The following ZCWPW2 variants were observed in gnomAD, a reference collection of about 807,000 sequenced individuals.
ZCWPW2 encodes the protein zinc finger CW-type and PWWP domain containing 2.
Under a neutral mutation model 46.6 loss-of-function variants are expected in ZCWPW2, and 45 were observed. The ratio of observed to expected loss-of-function variants is 0.96; its 90% CI spans 0.76 to 1.24. ZCWPW2 has a LOEUF of 1.24. Ranked by LOEUF, ZCWPW2 falls within the 50% of genes most tolerant of loss-of-function variation. The pLI is 0.00. For missense variants in ZCWPW2, 429 were observed against 403.9 expected, an observed-to-expected ratio of 1.06 and a Z score of -0.53; for synonymous variants, 152 against 137.1, an observed-to-expected ratio of 1.11 and a Z score of -0.76.
At chr3:28,397,704 T>C (rs1695761299) in intron 2 of ZCWPW2, among the ~76,000 whole-genome samples, 1 of 152,180 alleles carries the variant, frequency 6.6e-6, no homozygotes, top group Admixed American at 6.5e-5. Flanking sequence ...AAATAACATG[T>C]ATGTAATACA....
intron 1 of ZCWPW2, among the ~76,000 whole-genome samples, chr3:28,383,904 G>T (rs943169713): frequency 1.3e-5 from 2 of 152,016 alleles, no homozygotes; most frequent in African/African-American, 4.8e-5. Flanking sequence ...AAATTGGATG[G>T]TATGGGTACC....
At chr3:28,511,071 G>C (rs73823985) in intron 6 of ZCWPW2, 6,029 of 455,708 alleles carry the variant, frequency 0.013, 233 homozygotes, top group African/African-American at 0.094. Context: ...AAAGACCCTG[G>C]GCATAATCAA....
intron 1 of ZCWPW2, among the ~76,000 whole-genome samples, chr3:28,390,089 T>G (rs1695426210): frequency 2.6e-5 from 4 of 152,164 alleles, no homozygotes; most frequent in African/African-American, 9.7e-5. Context: ...CATCCTCCAT[T>G]TCCCAGTTTA....
At chr3:28,503,305 C>T (rs1346678222) in intron 6 of ZCWPW2, among the ~76,000 whole-genome samples, 2 of 152,020 alleles carry the variant, frequency 1.3e-5, no homozygotes, top group Non-Finnish European at 2.9e-5. Context: ...GTTATTTGGA[C>T]CTAAGGTTGT....
intron 4 of ZCWPW2, among the ~76,000 whole-genome samples, chr3:28,472,422 AC>A (rs1432607248): frequency 6.6e-6 from 1 of 152,326 alleles, no homozygotes; most frequent in Admixed American, 6.5e-5. Context: ...ATAAATCCAT[AC>A]ATCTACAATG....
chr3:28,519,933 C>G (rs533059234), intron 8 of ZCWPW2, among the ~76,000 whole-genome samples: 3 of 150,610 alleles, frequency 2.0e-5, no homozygotes, highest in African/African-American at 7.3e-5. Flanking sequence ...TTATAGTAGG[C>G]TTTTATTTCT....
chr3:28,390,517 C>T lies in ZCWPW2; in HGVS notation c.-114C>T. 1.0e-6 allele frequency: 1 copy of T among 985,346 alleles called. No individual in the cohort carries two copies. The highest frequency in any genetic ancestry group is 1.2e-6 in the Non-Finnish European group (1 of 829,916). The allele number at this position is 985,346 out of a possible 1,614,324, so 61.0% of individuals were successfully genotyped here. On this transcript the variant is annotated 5_prime_UTR_variant, in exon 2 of 10. Transcript: ENST00000383768. Reference sequence around the variant, plus strand: ...CTTCAGATTCATCCCAGTAGAACGCCTGCCTCTTTAGTGACTACAGACCTC... The same window carrying T: ...CTTCAGATTCATCCCAGTAGAACGCTTGCCTCTTTAGTGACTACAGACCTC...
intron 8 of ZCWPW2, among the ~76,000 whole-genome samples, chr3:28,520,660 A>C (rs1386917721): frequency 6.6e-6 from 1 of 152,166 alleles, no homozygotes; most frequent in Non-Finnish European, 1.5e-5. Flanking sequence ...ATTTGCTGAC[A>C]CTTTTTCTAT....
intron 1 of ZCWPW2, among the ~76,000 whole-genome samples, chr3:28,366,742 G>C (rs1235640823): frequency 6.6e-6 from 1 of 152,136 alleles, no homozygotes; most frequent in Non-Finnish European, 1.5e-5. Flanking sequence ...TTGTACCTCT[G>C]GTAGAATTCG....
At chr3:28,507,205 T>C (rs931099668) in intron 6 of ZCWPW2, among the ~76,000 whole-genome samples, 2 of 152,190 alleles carry the variant, frequency 1.3e-5, no homozygotes, top group South Asian at 2.1e-4. Flanking sequence ...TACTGACTTG[T>C]TCATTTCAGT....
chr3:28,478,738 C>A, intron 4 of ZCWPW2, 76 bp from the exon 5 acceptor site: 1 of 647,172 alleles, frequency 1.5e-6, no homozygotes, highest in Non-Finnish European at 2.4e-6. Flanking sequence ...GATTTTGTTC[C>A]AGCTTAATAA....
At chr3:28,427,219 G>A (rs1235142605) in intron 3 of ZCWPW2, among the ~76,000 whole-genome samples, 2 of 152,126 alleles carry the variant, frequency 1.3e-5, no homozygotes, top group African/African-American at 4.8e-5. Context: ...CGAGTAAAAG[G>A]AAAAATAGAG....
At chr3:28,512,103 G>T (rs1434439205) in intron 6 of ZCWPW2, among the ~76,000 whole-genome samples, 4 of 151,742 alleles carry the variant, frequency 2.6e-5, no homozygotes, top group Admixed American at 2.6e-4. Context: ...TTGATATGGT[G>T]TCTATTACAG....
At chr3:28,432,140 G>T (rs779419021) in intron 3 of ZCWPW2, among the ~76,000 whole-genome samples, 1 of 152,142 alleles carries the variant, frequency 6.6e-6, no homozygotes, top group African/African-American at 2.4e-5. Flanking sequence ...TGAGATTTGG[G>T]TGGGGACACA....
chr3:28,356,696 C>G (rs1195981466), intron 1 of ZCWPW2, among the ~76,000 whole-genome samples: 1 of 152,078 alleles, frequency 6.6e-6, no homozygotes. Context: ...GAGTTCATGT[C>G]CTTTGTAGGG....
chr3:28,400,586 G>T (rs958462047), intron 2 of ZCWPW2, among the ~76,000 whole-genome samples: 4 of 152,186 alleles, frequency 2.6e-5, no homozygotes, highest in Non-Finnish European at 5.9e-5. Flanking sequence ...ATTGACAGGA[G>T]ATTTCTCAGC....
At chr3:28,513,775 A>G (rs1485711905) in intron 6 of ZCWPW2, among the ~76,000 whole-genome samples, 1 of 151,970 alleles carries the variant, frequency 6.6e-6, no homozygotes, top group East Asian at 1.9e-4. Context: ...GTACAACTTT[A>G]ACGTGTTTTT....
intron 5 of ZCWPW2, among the ~76,000 whole-genome samples, chr3:28,482,266 T>G (rs1026538913): frequency 6.6e-6 from 1 of 152,196 alleles, no homozygotes; most frequent in African/African-American, 2.4e-5. Flanking sequence ...CCCTTTCAGA[T>G]TGGTTTCTTT....
chr3:28,431,257 A>G (rs1697245460), intron 3 of ZCWPW2, among the ~76,000 whole-genome samples: 1 of 152,184 alleles, frequency 6.6e-6, no homozygotes. Flanking sequence ...GTTGTACCAA[A>G]TATCTTATAT....
Sources: gnomAD v4.1 joint callset for allele counts (sites outside exome capture counted in the v4.1 genomes callset) on GRCh38, gnomAD v4.1.1 for gene constraint, MANE v1.5 for transcripts, NCBI Gene and HGNC (gene_info 2026-07-23, HGNC 2026-07-21) for gene names.